The following FNBP4 variants were observed in gnomAD, a reference collection of about 807,000 sequenced individuals.
FNBP4 encodes the protein formin-binding protein 4.
In FNBP4, 34 loss-of-function variants were observed where a neutral mutation model predicts 119.3. The ratio of observed to expected loss-of-function variants is 0.28; its 90% CI spans 0.22 to 0.38. FNBP4 has a LOEUF of 0.38. Among genes scored for constraint, FNBP4 ranks in the 10% least tolerant of loss-of-function variants. The probability of loss-of-function intolerance (pLI) is 1.00; values close to 1 mark genes in which losing one functional copy is unlikely to be tolerated. For missense variants in FNBP4, 1,112 were observed against 1,228.9 expected (o/e 0.90, Z 1.42); for synonymous variants, 462 against 430.6 (o/e 1.07, Z -0.90).
chr11:47,750,582 A>C (rs2097600373), intron 6 of FNBP4, among the ~76,000 whole-genome samples: 1 of 148,358 alleles, frequency 6.7e-6, no homozygotes, highest in Non-Finnish European at 1.5e-5. Context: ...CCAGCGACTC[A>C]GGAGGCTGAG....
intron 3 of FNBP4, among the ~76,000 whole-genome samples, chr11:47,754,026 G>A (rs1262129963): frequency 6.6e-6 from 1 of 151,754 alleles, no homozygotes; most frequent in Non-Finnish European, 1.5e-5. Flanking sequence ...CCAACATGGT[G>A]AAACCCCGTC....
chr11:47,738,669 T>C (rs538707511), intron 8 of FNBP4, among the ~76,000 whole-genome samples: 2 of 152,180 alleles, frequency 1.3e-5, no homozygotes, highest in East Asian at 3.9e-4. Flanking sequence ...AATGTAACTT[T>C]AAATAGCTTT....
At chr11:47,757,969 G>A (rs1324190790) in intron 2 of FNBP4, among the ~76,000 whole-genome samples, 1 of 152,124 alleles carries the variant, frequency 6.6e-6, no homozygotes, top group Non-Finnish European at 1.5e-5. Flanking sequence ...CACCATGCCT[G>A]GCTAATTTAT....
Position 47,731,412 on chromosome 11 carries a change from G to A in FNBP4, c.1970C>T (p.Thr657Ile), listed in dbSNP as rs1200995394. 19 of 1,613,798 alleles carry A rather than the reference G, an allele frequency of 1.2e-5. No individual in the cohort carries two copies. Among genetic ancestry groups the A allele is most frequent in the Non-Finnish European group, 1.6e-5 (19 of 1,179,932 alleles). ...AGAGGATTCTGTTGAATTTGAATCA[G>A]TGCCAGTTTTGTCTTTCAAGGTCTG... ...AKQTLKDKTG[T>I]DSNSTESSET... Residue 657 changes from threonine to isoleucine, a missense_variant, in exon 12 of 17, where the codon ACT (threonine) becomes ATT (isoleucine). This residue lies in a region of FNBP4 where 826 missense variants were observed against 988.8 expected (regional missense o/e 0.84). Transcript: ENST00000263773.
rs1383205529 is a variant in FNBP4, at chr11:47,719,997, GGAACTA to G, written c.2889_2894del (p.Ser965_Ser966del). The G allele has an allele frequency of 6.2e-7, 1 of 1,613,976 alleles. No homozygotes were observed. Among genetic ancestry groups the G allele is most frequent in the Non-Finnish European group, 8.5e-7 (1 of 1,179,960 alleles). ...CAGTTGATTCCCGATCCTCTTCACT[GGAACTA>G]GAATTGTCCTCTTCATCTAACTCAC... On this transcript the variant is annotated inframe_deletion, in exon 16 of 17. Transcript: ENST00000263773.
intron 4 of FNBP4, 78 bp from the exon 5 acceptor site, chr11:47,751,368 C>T (rs1599236906): frequency 2.0e-6 from 3 of 1,519,634 alleles, no homozygotes; most frequent in East Asian, 2.3e-5. Flanking sequence ...CCAAAATCAC[C>T]TAACAGTTTC....
intron 2 of FNBP4, among the ~76,000 whole-genome samples, chr11:47,761,240 G>C (rs763842120): frequency 6.6e-6 from 1 of 152,170 alleles, no homozygotes; most frequent in Non-Finnish European, 1.5e-5. Context: ...TAACAGGAAT[G>C]AAGTTAGAGT....
intron 12 of FNBP4, among the ~76,000 whole-genome samples, chr11:47,730,345 A>C (rs551187047): frequency 6.6e-6 from 1 of 152,340 alleles, no homozygotes; most frequent in African/African-American, 2.4e-5. Context: ...TGTGAAGTAG[A>C]ATAAAATCAG....
chr11:47,754,781 C>T (rs775604088), intron 2 of FNBP4, 117 bp from the exon 3 acceptor site: 55 of 1,049,172 alleles, frequency 5.2e-5, no homozygotes, highest in African/African-American at 1.1e-4. Flanking sequence ...AGAACATAAC[C>T]GCAAAACTAA....
At chr11:47,734,168 G>A (rs373570745) in intron 9 of FNBP4, 39 bp from the exon 10 acceptor site, 8 of 1,186,410 alleles carry the variant, frequency 6.7e-6, no homozygotes, top group Non-Finnish European at 9.7e-6. Context: ...ACTAGAATCC[G>A]TAACATTTTC....
Position 47,724,771 on chromosome 11 carries a change from A to G in FNBP4, c.2016T>C (p.Leu672=). 6.5e-7 allele frequency: 1 copy of G among 1,547,074 alleles called. No individual in the cohort carries two copies. ...CTTGACCAGAAAAGGATTCTTTACA[A>G]AGAGAACCTATGAAAACAGGTAAGA... ...TESSETSTGS[L]CKESFSGQVS... is the part of the protein sequence containing the mutation. The change falls in exon 13 of 17, where the codon CTT becomes CTC. Residue 672 remains leucine, a synonymous_variant. Coordinates refer to ENST00000263773, the MANE Select transcript of FNBP4 (RefSeq NM_015308.5).
At chr11:47,764,402 G>A (rs1484931937) in intron 2 of FNBP4, among the ~76,000 whole-genome samples, 13 of 152,152 alleles carry the variant, frequency 8.5e-5, no homozygotes, top group Non-Finnish European at 4.4e-5. Flanking sequence ...TATTTTAAAT[G>A]AGTGTTAAGT....
chr11:47,735,007 A>G (rs572462787), intron 9 of FNBP4, among the ~76,000 whole-genome samples: 26 of 133,056 alleles, frequency 2.0e-4, no homozygotes, highest in African/African-American at 6.6e-4. Flanking sequence ...AAGGAAATCT[A>G]AAGCACAGCA....
rs191306250 is a variant in FNBP4, at chr11:47,732,806, C to A, written c.1687-136G>T. The stretch of plus-strand genomic sequence containing the variant: ...ACAGTAGACCAGAGAGGAAAATAAA[C>A]CCCATCTTCATCTCATAAAATAATC... On this transcript the variant is annotated intron_variant, in intron 10 of 16. Coordinates refer to ENST00000263773, the MANE Select transcript of FNBP4 (RefSeq NM_015308.5). This position sits in a 1 kb window ranked among gnomAD's most constrained non-coding sequence, Gnocchi z 4.2. The A allele has an allele frequency of 5.5e-4, 437 of 787,800 alleles. 2 individuals carry two copies. The East Asian group carries it at 6.0e-3, about 11-fold the overall frequency. 48.8% of individuals were successfully genotyped at this position (787,800 alleles called of 1,614,324 possible).
intron 9 of FNBP4, among the ~76,000 whole-genome samples, chr11:47,735,858 T>C (rs535153925): frequency 6.6e-6 from 1 of 151,748 alleles, no homozygotes; most frequent in African/African-American, 2.4e-5. Flanking sequence ...GGCAGGTGTA[T>C]CACGAGGTCA....
At chr11:47,748,668 G>A (rs2097595720) in intron 6 of FNBP4, among the ~76,000 whole-genome samples, 1 of 150,676 alleles carries the variant, frequency 6.6e-6, no homozygotes, top group East Asian at 1.9e-4. Flanking sequence ...ATTTTTTTTT[G>A]AGATGGAGTC....
chr11:47,754,688 A>G (rs756700875), intron 2 of FNBP4, 24 bp from the exon 3 acceptor site: 1 of 1,609,270 alleles, frequency 6.2e-7, no homozygotes, highest in East Asian at 2.2e-5. Context: ...GGTAAACAGT[A>G]TTTGTAACAA....
chr11:47,739,460 G>A (rs1179735960), intron 8 of FNBP4, among the ~76,000 whole-genome samples: 7 of 152,090 alleles, frequency 4.6e-5, no homozygotes, highest in Admixed American at 3.3e-4. Context: ...ATGTTTTGGA[G>A]GGCAAGTACA....
chr11:47,729,805 T>C (rs1308517029), intron 12 of FNBP4: 2 of 985,436 alleles, frequency 2.0e-6, no homozygotes, highest in Middle Eastern at 5.2e-4. Context: ...GGCTTAGAAC[T>C]GTTGATTATT....
Sources: allele counts gnomAD v4.1 joint callset (sites outside exome capture counted in the v4.1 genomes callset), GRCh38; gene constraint gnomAD v4.1.1; regional missense constraint gnomAD v4.1.1; non-coding constraint Gnocchi (gnomAD v3.1); transcripts MANE v1.5; gene names NCBI Gene and HGNC (gene_info 2026-07-23, HGNC 2026-07-21).